The following GSE1 variants were observed in gnomAD, a reference collection of about 807,000 sequenced individuals.
GSE1 encodes genetic suppressor element 1.
Under a neutral mutation model 112.6 loss-of-function variants are expected in GSE1, and 32 were observed. That is an observed-to-expected ratio of 0.28 (90% CI 0.21 to 0.38). GSE1 has a LOEUF of 0.38. Among genes scored for constraint, GSE1 ranks in the 10% least tolerant of loss-of-function variants. The probability of loss-of-function intolerance (pLI) is 1.00; values close to 1 mark genes in which losing one functional copy is unlikely to be tolerated. For missense variants in GSE1, 2,348 were observed against 1,699.2 expected (o/e 1.38, Z -6.71); for synonymous variants, 1,115 against 735.6 (o/e 1.52, Z -8.35).
chr16:85,659,480 C>G (rs962002351), intron 8 of GSE1: 7 of 152,226 alleles, frequency 4.6e-5, no homozygotes. Flanking sequence ...ACTATACCCA[C>G]TAGGTGTCCC....
exon 1 of GSE1, chr16:85,555,999 A>C (rs1431591634): frequency 1.5e-5 from 15 of 983,464 alleles, no homozygotes; most frequent in Non-Finnish European, 1.8e-5. Flanking sequence ...GAAAATACAC[A>C]CGCGGCGAAG....
At chr16:85,621,534 A>T (rs911150463) in intron 1 of GSE1, among the ~76,000 whole-genome samples, 1 of 152,176 alleles carries the variant, frequency 6.6e-6, no homozygotes, top group African/African-American at 2.4e-5. Context: ...AAGGAAGTTA[A>T]TCCATCCTTA....
intron 1 of GSE1, among the ~76,000 whole-genome samples, chr16:85,263,394 C>T (rs940558433): frequency 2.0e-5 from 3 of 152,140 alleles, no homozygotes; most frequent in Admixed American, 2.0e-4. Context: ...GAGTTTCTCA[C>T]TCAGAATCTG....
intron 1 of GSE1, among the ~76,000 whole-genome samples, chr16:85,210,237 C>G (rs979544029): frequency 1.2e-4 from 18 of 152,170 alleles, no homozygotes; most frequent in African/African-American, 4.1e-4. Context: ...AAAGAAGTAA[C>G]TCATAAGAAG....
chr16:85,675,193 C>G lies in GSE1; in HGVS notation c.*2654C>G, dbSNP rs555970316. 1 of 152,302 alleles carries G rather than the reference C, an allele frequency of 6.6e-6. No homozygotes were observed. The highest frequency in any genetic ancestry group is 1.9e-4 in the East Asian group (1 of 5,186). The allele number at this position is 152,302 out of a possible 1,614,324, so 9.4% of individuals were successfully genotyped here. ...TTCAGCTACTTCACACTGAGTACCTCAAATCTGCTCTGGAGTCGATTATGC... is the reference window on the plus strand; with the variant it reads ...TTCAGCTACTTCACACTGAGTACCTGAAATCTGCTCTGGAGTCGATTATGC... On this transcript the variant is annotated 3_prime_UTR_variant, in exon 16 of 16. Transcript: ENST00000253458.
intron 2 of GSE1, among the ~76,000 whole-genome samples, chr16:85,516,686 G>GC (rs1201924108): frequency 2.6e-5 from 4 of 151,848 alleles, no homozygotes; most frequent in African/African-American, 4.8e-5. Context: ...TCTTTCTAAG[G>GC]CCCCCCTGCC....
chr16:85,614,742 A>G (rs963745992), intron 1 of GSE1, among the ~76,000 whole-genome samples: 6 of 152,196 alleles, frequency 3.9e-5, no homozygotes, highest in African/African-American at 1.2e-4. Flanking sequence ...GTGCGTTTAA[A>G]ACACACTAAA....
intron 1 of GSE1, among the ~76,000 whole-genome samples, chr16:85,618,530 T>G (rs1451473541): frequency 2.0e-5 from 3 of 152,246 alleles, no homozygotes; most frequent in Non-Finnish European, 2.9e-5. Flanking sequence ...GGCCTCAGTC[T>G]TCTAATCTGT....
intron 1 of GSE1, among the ~76,000 whole-genome samples, chr16:85,614,328 G>GC (rs1279048730): frequency 6.6e-6 from 1 of 152,044 alleles, no homozygotes; most frequent in African/African-American, 2.4e-5. Context: ...TCGGCCGCCC[G>GC]CCCGCCTCTC....
At chr16:85,642,333 A>C (rs1473103073) in intron 2 of GSE1, among the ~76,000 whole-genome samples, 1 of 152,252 alleles carries the variant, frequency 6.6e-6, no homozygotes, top group African/African-American at 2.4e-5. Context: ...GTAATTAAAA[A>C]GAAAATTTTA....
intron 1 of GSE1, among the ~76,000 whole-genome samples, chr16:85,338,243 G>A (rs1191757948): frequency 6.6e-6 from 1 of 152,234 alleles, no homozygotes; most frequent in Non-Finnish European, 1.5e-5. Context: ...ATCTCCAGAT[G>A]CGCCTTTTTC....
rs755195019 is a variant in GSE1 at position 85,661,177 on chromosome 16, C to T, written c.1672C>T (p.Arg558Cys). Residue 558 changes from arginine (R) to cysteine (C), a missense_variant, in exon 9 of 16, where the codon CGT (arginine) becomes TGT (cysteine). Coordinates refer to ENST00000253458, the MANE Select transcript of GSE1 (RefSeq NM_014615.5). ...PGPNRHEPGG[R>C]DPPQHFGGPP... is the part of the protein sequence containing the mutation. Reference sequence around the variant, plus strand: ...ACCAAACCGTCACGAGCCAGGTGGCCGTGACCCTCCGCAGCACTTTGGGGG... The same window carrying T: ...ACCAAACCGTCACGAGCCAGGTGGCTGTGACCCTCCGCAGCACTTTGGGGG... 1.6e-5 allele frequency: 26 copies of T among 1,596,674 alleles called. No homozygotes were observed. The highest frequency in any genetic ancestry group is 5.4e-5 in the African/African-American group (4 of 74,608).
chr16:85,551,618 G>A (rs1046557457), upstream of GSE1, among the ~76,000 whole-genome samples: 11 of 152,170 alleles, frequency 7.2e-5, no homozygotes, highest in African/African-American at 2.4e-4. Context: ...GCATCAGGTC[G>A]GCAGCTGTGG....
At chr16:85,512,120 G>C (rs1409925684) in intron 2 of GSE1, among the ~76,000 whole-genome samples, 1 of 152,204 alleles carries the variant, frequency 6.6e-6, no homozygotes, top group Non-Finnish European at 1.5e-5. Flanking sequence ...AAGGAGCACT[G>C]TTCTGCGAGT....
chr16:85,243,108 C>T (rs1373914953), intron 1 of GSE1, among the ~76,000 whole-genome samples: 2 of 152,238 alleles, frequency 1.3e-5, no homozygotes, highest in Non-Finnish European at 2.9e-5. Context: ...CCTCTGCGCC[C>T]ATCCCTCAGG....
intron 2 of GSE1, among the ~76,000 whole-genome samples, chr16:85,547,059 C>T (rs973404758): frequency 1.3e-5 from 2 of 152,180 alleles, no homozygotes; most frequent in African/African-American, 2.4e-5. Context: ...GCAGCCTCAC[C>T]ACACCCCTGT....
chr16:85,328,725 A>T (rs776658575), intron 1 of GSE1, among the ~76,000 whole-genome samples: 2 of 152,144 alleles, frequency 1.3e-5, no homozygotes, highest in Admixed American at 6.5e-5. Flanking sequence ...CCCCGTAGTC[A>T]TGTCCGTGCC....
chr16:85,515,757 T>C (rs1189925815), intron 2 of GSE1, among the ~76,000 whole-genome samples: 2 of 151,990 alleles, frequency 1.3e-5, no homozygotes, highest in African/African-American at 2.4e-5. Context: ...TGGAAACACA[T>C]TGGAACCTGC....
At chr16:85,523,586 T>C (rs900274973) in intron 2 of GSE1, among the ~76,000 whole-genome samples, 11 of 152,062 alleles carry the variant, frequency 7.2e-5, no homozygotes, top group African/African-American at 2.7e-4. Context: ...CCCACTCCAC[T>C]CCTGGCCCCA....
Sources: gnomAD v4.1 joint callset for allele counts (sites outside exome capture counted in the v4.1 genomes callset) on GRCh38, gnomAD v4.1.1 for gene constraint, MANE v1.5 for transcripts, NCBI Gene and HGNC (gene_info 2026-07-23, HGNC 2026-07-21) for gene names.